Variants in AP4E1 observed in about 807,000 individuals in gnomAD.
AP4E1 encodes adaptor related protein complex 4 subunit epsilon 1.
A neutral mutation model predicts 128.2 loss-of-function variants in AP4E1; 56 were observed. That is an observed-to-expected ratio of 0.44 (90% CI 0.35 to 0.55). The LOEUF is 0.55. AP4E1 is among the 20% of genes least tolerant of loss of function. The probability of loss-of-function intolerance (pLI) is 0.00; values close to 1 mark genes in which losing one functional copy is unlikely to be tolerated. For missense variants in AP4E1, 1,324 were observed against 1,307.7 expected, an observed-to-expected ratio of 1.01 and a Z score of -0.19; for synonymous variants, 484 against 473.1, an observed-to-expected ratio of 1.02 and a Z score of -0.30.
chr15:50,997,144 A>T (rs1487911990), intron 17 of AP4E1, among the ~76,000 whole-genome samples, 182 bp from the exon 18 acceptor site: 3 of 152,212 alleles, frequency 2.0e-5, no homozygotes, highest in Non-Finnish European at 4.4e-5. Context: ...GTTCAAAGTT[A>T]TATAGCTGTC....
intron 13 of AP4E1, among the ~76,000 whole-genome samples, chr15:50,955,001 T>C (rs1321123936): frequency 2.6e-5 from 4 of 152,242 alleles, no homozygotes; most frequent in Admixed American, 6.5e-5. Context: ...GCTTCATCCA[T>C]GTCCCTACAA....
At position 50,960,338 on chromosome 15, in the gene AP4E1, C is replaced by T. The variant is rs138352858; in HGVS notation, c.1851+1544C>T. 9.5e-3 allele frequency among the ~76,000 whole-genome samples: 1,445 copies of T among 152,242 alleles called. 6 individuals are homozygous for T. The highest frequency in any genetic ancestry group is 0.014 in the Non-Finnish European group (949 of 67,978). ...AGAATACACATTCTTCTCATCAACA[C>T]ATGGAACATTCTCCAGGACAGACCA... On this transcript the variant is annotated intron_variant, in intron 14 of 20. Transcript: ENST00000261842.
At chr15:50,929,267 AC>A (rs2063803680) in intron 6 of AP4E1, 99 bp downstream of exon 6, 2 of 1,305,886 alleles carry the variant, frequency 1.5e-6, no homozygotes, top group East Asian at 4.9e-5. Context: ...TGCTTAGTTA[AC>A]ATTTTATAAT....
At chr15:50,967,745 A>G (rs184726538) in intron 14 of AP4E1, among the ~76,000 whole-genome samples, 3 of 152,322 alleles carry the variant, frequency 2.0e-5, no homozygotes, top group Admixed American at 6.5e-5. Flanking sequence ...AATGATTTAT[A>G]TTGTTAGATT....
intron 2 of AP4E1, among the ~76,000 whole-genome samples, chr15:50,914,806 G>A (rs2063609098): frequency 6.6e-6 from 1 of 151,814 alleles, no homozygotes; most frequent in Admixed American, 6.6e-5. Flanking sequence ...AAAAATTTTT[G>A]GCTTGCATTG....
chr15:50,948,213 T>A, intron 11 of AP4E1, 54 bp downstream of exon 11: 1 of 1,384,412 alleles, frequency 7.2e-7, no homozygotes, highest in Non-Finnish European at 1.0e-6. Context: ...GCAGTGACTT[T>A]AAGATGATTG....
At chr15:50,942,957 G>A (rs2140847520) in intron 10 of AP4E1, among the ~76,000 whole-genome samples, 1 of 152,120 alleles carries the variant, frequency 6.6e-6, no homozygotes, top group East Asian at 1.9e-4. Flanking sequence ...TTTATGTAAT[G>A]CTGAGATTTG....
chr15:50,976,284 AG>A (rs1424309830), intron 15 of AP4E1, among the ~76,000 whole-genome samples: 6 of 152,232 alleles, frequency 3.9e-5, no homozygotes, highest in Non-Finnish European at 7.3e-5. Flanking sequence ...AAAACCACAC[AG>A]TTCTCAATAA....
intron 8 of AP4E1, among the ~76,000 whole-genome samples, chr15:50,937,898 C>T (rs1013112876): frequency 2.0e-5 from 3 of 151,896 alleles, no homozygotes; most frequent in Non-Finnish European, 2.9e-5. Context: ...TTTGTAAATC[C>T]GGAGGTATGG....
intron 5 of AP4E1, 27 bp from the exon 6 acceptor site, chr15:50,928,982 T>C (rs761796190): frequency 1.2e-6 from 2 of 1,611,752 alleles, no homozygotes; most frequent in South Asian, 1.1e-5. Flanking sequence ...CAGATTGTCT[T>C]GTTTAAATTT....
Position 50,976,794 on chromosome 15 carries a change from A to C in AP4E1, c.1967-7228A>C, listed in dbSNP as rs528341118. ...TTATGATAGCACCAAAAGGAACAAA[A>C]TACCTAATAATAAACTGAAGCAAGT... On this transcript the variant is annotated intron_variant, in intron 15 of 20. Coordinates refer to ENST00000261842, the MANE Select transcript of AP4E1 (RefSeq NM_007347.5). Among the ~76,000 whole-genome samples the C allele has an allele frequency of 1.1e-4, 17 of 152,350 alleles. No individual in the cohort carries two copies. The South Asian group carries it at 3.5e-3, about 32-fold the overall frequency.
intron 13 of AP4E1, among the ~76,000 whole-genome samples, chr15:50,952,554 C>T (rs1037727973): frequency 3.3e-5 from 5 of 151,756 alleles, no homozygotes; most frequent in African/African-American, 9.7e-5. Flanking sequence ...GTTAATATCA[C>T]CTGCTATACT....
Position 50,912,110 on chromosome 15 carries a change from T to C in AP4E1, c.183T>C (p.Ser61=). The change falls in exon 2 of 21, where the codon AGT becomes AGC. Residue 61 remains serine (S), a synonymous_variant. Transcript: ENST00000261842. ...EEEKLIQQEL[S]SLKATVSAPT... ...AAAAATTAATCCAGCAGGAACTGAG[T>C]AGTCTGAAAGCGACTGTTTCTGCTC... 1 of 1,614,134 alleles carries C rather than the reference T, an allele frequency of 6.2e-7. No homozygotes were observed. Among genetic ancestry groups the C allele is most frequent in the Non-Finnish European group, 8.5e-7 (1 of 1,179,986 alleles).
In AP4E1 at chr15:50,993,760, T is replaced by C. The variant is rs931224337; in HGVS notation, c.2346+135T>C. 6.6e-6 allele frequency: 7 copies of C among 1,062,716 alleles called. No homozygotes were observed. The South Asian group carries it at 9.8e-5, about 15-fold the overall frequency. 65.8% of individuals were successfully genotyped at this position (1,062,716 alleles called of 1,614,324 possible). On this transcript the variant is annotated intron_variant, in intron 17 of 20. Coordinates refer to ENST00000261842, the MANE Select transcript of AP4E1 (RefSeq NM_007347.5). ...TTCCCCAGTTCTTACTCACCATCAT[T>C]TCCCAGCTCCAGAACCACTAATGAC...
chr15:50,924,282 T>G (rs2063742974), intron 4 of AP4E1, among the ~76,000 whole-genome samples: 1 of 152,180 alleles, frequency 6.6e-6, no homozygotes, highest in Admixed American at 6.5e-5. Context: ...AAAGTTCAAG[T>G]CTCTAAGTTG....
intron 8 of AP4E1, among the ~76,000 whole-genome samples, chr15:50,937,308 T>C (rs1459884903): frequency 1.3e-5 from 2 of 152,234 alleles, no homozygotes; most frequent in Non-Finnish European, 2.9e-5. Context: ...GAAGAAGTTA[T>C]TTACTTTATC....
chr15:50,923,034 C>T (rs1162949204), intron 3 of AP4E1, among the ~76,000 whole-genome samples: 2 of 152,174 alleles, frequency 1.3e-5, no homozygotes, highest in African/African-American at 4.8e-5. Context: ...ACCTCGGCCT[C>T]CCAAAGTGCT....
chr15:50,941,387 A>G lies in AP4E1; in HGVS notation c.944-55A>G, dbSNP rs1036140972. ...TTTATTACAAGTTCTACACAAATAC[A>G]TTGTTTTGTTATACCTTACCATGAT... On this transcript the variant is annotated intron_variant, in intron 8 of 20. Transcript: ENST00000261842. 7.6e-6 allele frequency: 12 copies of G among 1,579,014 alleles called. No individual in the cohort carries two copies. In the East Asian group the frequency reaches 1.1e-4, roughly 15 times the overall value.
chr15:50,989,294 A>G (rs1013256435), intron 16 of AP4E1, among the ~76,000 whole-genome samples: 1 of 152,210 alleles, frequency 6.6e-6, no homozygotes, highest in African/African-American at 2.4e-5. Context: ...ACTTTAAAGG[A>G]TGACATTTGA....
Sources: gnomAD v4.1 joint callset for allele counts (sites outside exome capture counted in the v4.1 genomes callset) on GRCh38, gnomAD v4.1.1 for gene constraint, MANE v1.5 for transcripts, NCBI Gene and HGNC (gene_info 2026-07-23, HGNC 2026-07-21) for gene names.